The following KPNA6 variants were observed in gnomAD, a reference collection of about 807,000 sequenced individuals.
KPNA6 encodes the protein karyopherin subunit alpha 6.
In KPNA6, 9 loss-of-function variants were observed where a neutral mutation model predicts 72.0. That is an observed-to-expected ratio of 0.13 (90% CI 0.08 to 0.22). KPNA6 has a LOEUF of 0.22. KPNA6 is among the 10% of genes least tolerant of loss of function. The probability of loss-of-function intolerance (pLI) is 1.00; values close to 1 mark genes in which losing one functional copy is unlikely to be tolerated. For missense variants in KPNA6, 374 were observed against 655.7 expected (o/e 0.57, Z 4.69); for synonymous variants, 219 against 242.1 (o/e 0.90, Z 0.89).
At chr1:32,166,036 CAAA>C (rs1209466242) in intron 10 of KPNA6, 66 bp from the exon 11 acceptor site, 49 of 1,437,294 alleles carry the variant, frequency 3.4e-5, no homozygotes, top group South Asian at 8.7e-5. Context: ...ACAACAACAA[CAAA>C]AAAACATAAA....
intron 1 of KPNA6, among the ~76,000 whole-genome samples, chr1:32,152,003 G>T (rs1379752446): frequency 1.6e-4 from 25 of 152,124 alleles, no homozygotes. Context: ...TATCAATAAG[G>T]AAAACATTAG....
chr1:32,118,942 A>C (rs1356076150), intron 1 of KPNA6, among the ~76,000 whole-genome samples: 2 of 147,376 alleles, frequency 1.4e-5, no homozygotes, highest in African/African-American at 5.0e-5. Context: ...CTTAGTAAAC[A>C]AAGTACTTTC....
At chr1:32,135,910 T>A (rs1473260719) in intron 1 of KPNA6, among the ~76,000 whole-genome samples, 2 of 152,048 alleles carry the variant, frequency 1.3e-5, no homozygotes, top group Non-Finnish European at 2.9e-5. Context: ...GAATTACATC[T>A]CAATAAACCT....
intron 1 of KPNA6, chr1:32,142,900 C>G: frequency 8.0e-7 from 1 of 1,255,188 alleles, no homozygotes; most frequent in Non-Finnish European, 1.0e-6. Context: ...GTGATAGTTT[C>G]TTGTCACCAT....
intron 4 of KPNA6, 71 bp from the exon 5 acceptor site, chr1:32,158,196 C>T: frequency 1.0e-6 from 1 of 955,762 alleles, no homozygotes; most frequent in South Asian, 1.4e-5. Flanking sequence ...AGAAGGATTG[C>T]AAGCTGACCC....
chr1:32,166,036 C>CAAAAA, intron 10 of KPNA6, 69 bp from the exon 11 acceptor site: 2 of 1,435,854 alleles, frequency 1.4e-6, no homozygotes, highest in South Asian at 1.5e-5. Flanking sequence ...ACAACAACAA[C>CAAAAA]AAAAAAACAT....
rs760779822 is a variant in KPNA6 at position 32,161,983 on chromosome 1, G to A, written c.684G>A (p.Arg228=). ...AGTCCACACGACTGACGATGACACG[G>A]AATGCAGTCTGGGCCCTGTCAAATC... is the stretch of plus-strand genomic sequence containing the variant. ...LTKSTRLTMT[R]NAVWALSNLC... is the part of the protein sequence containing the mutation. Residue 228 remains arginine, a synonymous_variant, in exon 8 of 14, where the codon CGG becomes CGA. Transcript: ENST00000373625. The A allele has an allele frequency of 6.2e-7, 1 of 1,614,116 alleles. No individual in the cohort carries two copies. Among genetic ancestry groups the A allele is most frequent in the Non-Finnish European group, 8.5e-7 (1 of 1,180,020 alleles).
At chr1:32,130,136 A>G (rs753380807) in intron 1 of KPNA6, among the ~76,000 whole-genome samples, 1 of 151,806 alleles carries the variant, frequency 6.6e-6, no homozygotes. Flanking sequence ...GCCTCCCTCT[A>G]CAGATATTAG....
chr1:32,120,032 G>C lies in KPNA6; in HGVS notation c.4+11898G>C, dbSNP rs150748355. 2.6e-3 allele frequency among the ~76,000 whole-genome samples: 394 copies of C among 151,326 alleles called. 1 individual carries two copies. Among genetic ancestry groups the C allele is most frequent in the African/African-American group, 9.3e-3 (385 of 41,246 alleles). On this transcript the variant is annotated intron_variant, in intron 1 of 13. Coordinates refer to ENST00000373625, the MANE Select transcript of KPNA6 (RefSeq NM_012316.5). ...ATTACAGGTGTGAGCCACCACGCCC[G>C]GCCTGGATTTTTAAATAATACTTAC...
chr1:32,157,372 G>A lies in KPNA6; in HGVS notation c.258G>A (p.Val86=). 1 of 1,613,926 alleles carries A rather than the reference G, an allele frequency of 6.2e-7. No individual in the cohort carries two copies. The part of the protein sequence containing the change: ...TGESVITREM[V]EMLFSDDSDL... ...AGAGTGTGATCACAAGAGAGATGGT[G>A]GAGATGCTCTTTTCTGATGATTCTG... Residue 86 remains valine, a synonymous_variant, in exon 4 of 14, where the codon GTG becomes GTA. Coordinates refer to ENST00000373625, the MANE Select transcript of KPNA6 (RefSeq NM_012316.5).
Position 32,172,813 on chromosome 1 carries a change from C to A in KPNA6, c.*1919C>A. ...CCTGCTCCAAGCTCTGCTTTTCCTT[C>A]CTCTGAAACAATGCCATTCTTGCTT... On this transcript the variant is annotated 3_prime_UTR_variant, in exon 14 of 14. Transcript: ENST00000373625. The A allele has an allele frequency of 6.9e-6, 2 of 289,050 alleles. No homozygotes were observed. Among genetic ancestry groups the A allele is most frequent in the East Asian group, 5.6e-5 (1 of 17,902 alleles). 17.9% of individuals were successfully genotyped at this position (289,050 alleles called of 1,614,324 possible).
chr1:32,119,032 A>ATATTTTTTTTTTT (rs1167325052), intron 1 of KPNA6, among the ~76,000 whole-genome samples: 1 of 40,274 alleles, frequency 2.5e-5, no homozygotes, highest in Non-Finnish European at 4.1e-5. Flanking sequence ...ATATATATAT[A>ATATTTTTTTTTTT]TTTTTTTTTT....
chr1:32,152,883 G>T (rs752715652), intron 1 of KPNA6, among the ~76,000 whole-genome samples: 1 of 150,672 alleles, frequency 6.6e-6, no homozygotes, highest in African/African-American at 2.4e-5. Context: ...TTAGCCCTGC[G>T]TGCACACCTG....
intron 1 of KPNA6, among the ~76,000 whole-genome samples, chr1:32,121,505 A>C (rs895226546): frequency 6.6e-6 from 1 of 152,136 alleles, no homozygotes; most frequent in Non-Finnish European, 1.5e-5. Context: ...TTGATCATCT[A>C]TTTATCTCTA....
intron 1 of KPNA6, among the ~76,000 whole-genome samples, chr1:32,142,381 A>G (rs1570033642): frequency 6.6e-6 from 1 of 151,552 alleles, no homozygotes; most frequent in Admixed American, 6.6e-5. Flanking sequence ...TTTTAAGGAC[A>G]CCAGTTACTG....
intron 1 of KPNA6, among the ~76,000 whole-genome samples, chr1:32,111,194 A>T (rs904538498): frequency 2.0e-5 from 3 of 152,196 alleles, no homozygotes; most frequent in Non-Finnish European, 4.4e-5. Context: ...AAGCTCAGTG[A>T]AATAAGTAGA....
chr1:32,152,234 C>T (rs1472352005), intron 1 of KPNA6, among the ~76,000 whole-genome samples: 1 of 151,968 alleles, frequency 6.6e-6, no homozygotes, highest in Non-Finnish European at 1.5e-5. Flanking sequence ...CAGGCTAAGG[C>T]AAGAGAATTG....
Position 32,143,122 on chromosome 1 carries a change from G to C in KPNA6, c.5-11466G>C. 4.7e-6 allele frequency: 3 copies of C among 644,070 alleles called. No homozygotes were observed. The Admixed American group carries it at 7.0e-5, about 15-fold the overall frequency. The allele number at this position is 644,070 out of a possible 1,614,324, so 39.9% of individuals were successfully genotyped here. A position where few individuals can be genotyped will look rare whatever the true frequency, so the allele number is the denominator to read the frequency against. On this transcript the variant is annotated intron_variant, in intron 1 of 13. Coordinates refer to ENST00000373625, the MANE Select transcript of KPNA6 (RefSeq NM_012316.5). The stretch of plus-strand genomic sequence containing the variant: ...ATCGGGCCTCAAAAGGAGTGCAGAG[G>C]TGCAGACACAGCTCACTTGCAGCCT...
intron 1 of KPNA6, among the ~76,000 whole-genome samples, chr1:32,141,157 A>G (rs181516343): frequency 6.6e-6 from 1 of 152,118 alleles, no homozygotes; most frequent in East Asian, 1.9e-4. Context: ...GAAAACTTGT[A>G]CTGTGAAGGT....
Sources: allele counts gnomAD v4.1 joint callset (sites outside exome capture counted in the v4.1 genomes callset), GRCh38; gene constraint gnomAD v4.1.1; transcripts MANE v1.5; gene names NCBI Gene and HGNC (gene_info 2026-07-23, HGNC 2026-07-21).